RASGEF1A: variants seen among roughly 807,000 people sequenced by gnomAD.
RASGEF1A encodes the protein ras-GEF domain-containing family member 1A.
In RASGEF1A, 18 loss-of-function variants were observed where a neutral mutation model predicts 56.4. That is an observed-to-expected ratio of 0.32 (90% CI 0.22 to 0.47). The LOEUF (loss-of-function observed/expected upper bound fraction) is 0.47, where lower values mean the gene tolerates loss of function less well. RASGEF1A is among the 20% of genes least tolerant of loss of function. The pLI, the probability that RASGEF1A is intolerant of heterozygous loss-of-function variation, is 1.00. For missense variants in RASGEF1A, 422 were observed against 627.1 expected, an observed-to-expected ratio of 0.67 and a Z score of 3.49; for synonymous variants, 245 against 242.6, an observed-to-expected ratio of 1.01 and a Z score of -0.09.
chr10:43,209,454 C>T (rs907388876), intron 1 of RASGEF1A, among the ~76,000 whole-genome samples: 1 of 152,166 alleles, frequency 6.6e-6, no homozygotes, highest in African/African-American at 2.4e-5. Context: ...CCCTTGGAGC[C>T]TTAACTTCTT....
chr10:43,207,686 C>T, intron 1 of RASGEF1A: 12 of 985,534 alleles, frequency 1.2e-5, no homozygotes, highest in Non-Finnish European at 1.3e-5. Context: ...TCCCTTCAAA[C>T]TCAGGCCAGC....
chr10:43,226,777 G>A (rs569144892), intron 1 of RASGEF1A, among the ~76,000 whole-genome samples: 72 of 152,352 alleles, frequency 4.7e-4, no homozygotes, highest in African/African-American at 1.6e-3. Flanking sequence ...GCCACTTCCC[G>A]CCCTCATCTT....
Position 43,206,229 on chromosome 10 carries a change from G to GCT in RASGEF1A, c.-6-108_-6-107insAG, listed in dbSNP as rs1839994095. ...TGCATGCATGTGTGCAGGGGTGCGTGGCAGGGGCGCAGCGGCACTGGCAGA... is the reference window on the plus strand; with the variant it reads ...TGCATGCATGTGTGCAGGGGTGCGTGCTGCAGGGGCGCAGCGGCACTGGCAGA... On this transcript the variant is annotated intron_variant, in intron 1 of 12. Coordinates refer to ENST00000395810, the MANE Select transcript of RASGEF1A (RefSeq NM_145313.4). 2.4e-4 allele frequency: 226 copies of GCT among 960,660 alleles called. 1 individual carries two copies. In the South Asian group the frequency reaches 3.5e-3, roughly 15 times the overall value. 59.5% of individuals were successfully genotyped at this position (960,660 alleles called of 1,614,324 possible). A position where few individuals can be genotyped will look rare whatever the true frequency, so the allele number is the denominator to read the frequency against.
At chr10:43,217,062 G>C (rs1840146724) in intron 1 of RASGEF1A, among the ~76,000 whole-genome samples, 1 of 152,212 alleles carries the variant, frequency 6.6e-6, no homozygotes, top group South Asian at 2.1e-4. Flanking sequence ...GCATCGTGGA[G>C]GGGGAGAAAT....
At chr10:43,202,968 C>G (rs950281405) in intron 3 of RASGEF1A, among the ~76,000 whole-genome samples, 2 of 149,646 alleles carry the variant, frequency 1.3e-5, no homozygotes, top group Non-Finnish European at 3.0e-5. Context: ...CCCCACAGCC[C>G]CAGCCAGGCC....
chr10:43,203,509 C>T (rs940473798), intron 2 of RASGEF1A, 89 bp from the exon 3 acceptor site: 5 of 1,442,252 alleles, frequency 3.5e-6, no homozygotes, highest in Admixed American at 5.2e-5. Flanking sequence ...CCGGCTGCCT[C>T]CCAGGCCCAG....
At chr10:43,203,696 C>A in intron 2 of RASGEF1A, 1 of 1,186,442 alleles carries the variant, frequency 8.4e-7, no homozygotes, top group Non-Finnish European at 1.1e-6. Context: ...CTCCCCCTCT[C>A]TGCCCCACGC....
intron 1 of RASGEF1A, 68 bp downstream of exon 1, chr10:43,266,777 A>C (rs929818446): frequency 3.4e-5 from 5 of 145,176 alleles, no homozygotes; most frequent in African/African-American, 9.9e-5. Flanking sequence ...CGCGCCGGCG[A>C]CCGGAGGGCA....
At chr10:43,224,904 T>A (rs1564535689) in intron 1 of RASGEF1A, among the ~76,000 whole-genome samples, 1 of 152,202 alleles carries the variant, frequency 6.6e-6, no homozygotes, top group Non-Finnish European at 1.5e-5. Context: ...CATAAACTTT[T>A]AAAAAATCAA....
chr10:43,209,689 C>T (rs570468190), intron 1 of RASGEF1A, among the ~76,000 whole-genome samples: 7 of 151,426 alleles, frequency 4.6e-5, no homozygotes, highest in African/African-American at 7.3e-5. Flanking sequence ...GAAGCCCCCC[C>T]ACCAGGGCTA....
intron 1 of RASGEF1A, among the ~76,000 whole-genome samples, chr10:43,232,854 C>T (rs1316746731): frequency 1.3e-5 from 2 of 152,190 alleles, no homozygotes; most frequent in South Asian, 4.1e-4. Flanking sequence ...TCAGAGTCCA[C>T]CCTTGCTGTC....
At chr10:43,199,047 GGGTGGGCCAT>G in intron 8 of RASGEF1A, 35 bp from the exon 9 acceptor site, 1 of 1,601,894 alleles carries the variant, frequency 6.2e-7, no homozygotes, top group Middle Eastern at 1.7e-4. Flanking sequence ...AGGGCCGGGG[GGGTGGGCCAT>G]GCAGCAGCCC....
At chr10:43,228,363 T>A (rs1840310505) in intron 1 of RASGEF1A, among the ~76,000 whole-genome samples, 1 of 152,288 alleles carries the variant, frequency 6.6e-6, no homozygotes, top group African/African-American at 2.4e-5. Context: ...GGGCACCAAG[T>A]GTGTCAGACC....
intron 1 of RASGEF1A, among the ~76,000 whole-genome samples, chr10:43,265,003 C>T (rs1477902763): frequency 6.6e-6 from 1 of 152,198 alleles, no homozygotes; most frequent in East Asian, 1.9e-4. Context: ...CCGGCGTGCT[C>T]AGGGGCTCCT....
At chr10:43,239,100 C>T (rs1394230796) in intron 1 of RASGEF1A, among the ~76,000 whole-genome samples, 9 of 152,188 alleles carry the variant, frequency 5.9e-5, no homozygotes, top group African/African-American at 1.7e-4. Context: ...CAGCTCCTGG[C>T]AACTCCATAC....
chr10:43,244,716 C>T (rs1373610713), intron 1 of RASGEF1A, among the ~76,000 whole-genome samples: 2 of 151,860 alleles, frequency 1.3e-5, no homozygotes, highest in African/African-American at 4.8e-5. Context: ...AAGAAGAAAC[C>T]ACAAGGGAAT....
chr10:43,265,239 G>A (rs1332524953), intron 1 of RASGEF1A, among the ~76,000 whole-genome samples: 1 of 152,240 alleles, frequency 6.6e-6, no homozygotes. Context: ...GTGGAAGGGA[G>A]CCATCCGGCT....
chr10:43,255,243 C>T (rs1296630358), intron 1 of RASGEF1A, among the ~76,000 whole-genome samples: 2 of 152,214 alleles, frequency 1.3e-5, no homozygotes, highest in Admixed American at 1.3e-4. Context: ...CAGCGCCCTC[C>T]AGGCCCCTCA....
chr10:43,251,843 C>T (rs1840630784), intron 1 of RASGEF1A, among the ~76,000 whole-genome samples: 1 of 152,200 alleles, frequency 6.6e-6, no homozygotes, highest in African/African-American at 2.4e-5. Context: ...GTGGACCAGA[C>T]CCCTGACCCT....
Sources: gnomAD v4.1 joint callset for allele counts (sites outside exome capture counted in the v4.1 genomes callset) on GRCh38, gnomAD v4.1.1 for gene constraint, MANE v1.5 for transcripts, NCBI Gene and HGNC (gene_info 2026-07-23, HGNC 2026-07-21) for gene names.